Variants in IGF1 observed in about 807,000 individuals in gnomAD.
The protein encoded by IGF1 is insulin-like growth factor 1.
IGF1 carries 4 observed loss-of-function variants against 13.8 expected under a neutral mutation model. That is an observed-to-expected ratio of 0.29 (90% confidence interval 0.14 to 0.66). IGF1 has a LOEUF of 0.66. IGF1 is among the 30% of genes least tolerant of loss of function. The pLI is 0.78. For synonymous variants in IGF1, 76 were observed against 72.6 expected, an observed-to-expected ratio of 1.05 and a Z score of -0.23; for missense variants, 124 against 188.5, an observed-to-expected ratio of 0.66 and a Z score of 2.00.
Position 102,445,519 on chromosome 12 carries a change from A to G in IGF1, c.221-25829T>C, listed in dbSNP as rs548107786. Among the ~76,000 whole-genome samples the G allele has an allele frequency of 2.0e-5, 3 of 152,294 alleles. No individual in the cohort carries two copies. The South Asian group carries it at 6.2e-4, about 32-fold the overall frequency. ...TAGCAATTGTGAATGGAGTTCACTC[A>G]TGATTTGGCTCTCTGTTTGTCTGTT... is the stretch of plus-strand genomic sequence containing the variant. On this transcript the variant is annotated intron_variant, in intron 2 of 3. Transcript: ENST00000337514.
chr12:102,429,349 GA>G (rs2137040739), intron 2 of IGF1, among the ~76,000 whole-genome samples: 1 of 152,092 alleles, frequency 6.6e-6, no homozygotes, highest in African/African-American at 2.4e-5. Flanking sequence ...TTGTATTTTA[GA>G]ATGCCATATA....
chr12:102,465,413 G>A (rs1880227375), intron 2 of IGF1, among the ~76,000 whole-genome samples: 1 of 152,196 alleles, frequency 6.6e-6, no homozygotes, highest in South Asian at 2.1e-4. Flanking sequence ...GACGTTAAGT[G>A]ACTTCTCCAA....
chr12:102,463,363 A>G (rs1880072906), intron 2 of IGF1: 1 of 152,258 alleles, frequency 6.6e-6, no homozygotes, highest in Non-Finnish European at 1.5e-5. Flanking sequence ...ATCTTCGTGG[A>G]AGACTAGCAA....
At chr12:102,404,360 C>T (rs532898309) in intron 3 of IGF1, among the ~76,000 whole-genome samples, 10 of 152,182 alleles carry the variant, frequency 6.6e-5, no homozygotes, top group Non-Finnish European at 8.8e-5. Flanking sequence ...ACTGCCACCC[C>T]TTGGGAATAA....
At chr12:102,433,181 G>A (rs987964594) in intron 2 of IGF1, among the ~76,000 whole-genome samples, 14 of 152,148 alleles carry the variant, frequency 9.2e-5, no homozygotes, top group African/African-American at 3.4e-4. Context: ...AAATTTGGCT[G>A]AACACTCCTG....
chr12:102,480,286 C>G (rs1228492892), intron 1 of IGF1, 33 bp downstream of exon 1: 1 of 1,593,644 alleles, frequency 6.3e-7, no homozygotes, highest in Non-Finnish European at 8.6e-7. Context: ...AAATAGAATT[C>G]CCCAATGACT....
intron 3 of IGF1, among the ~76,000 whole-genome samples, chr12:102,403,824 T>C (rs2136944028): frequency 6.6e-6 from 1 of 152,110 alleles, no homozygotes; most frequent in South Asian, 2.1e-4. Context: ...GAGATGTATC[T>C]GTCTGTTTAC....
At chr12:102,406,460 T>C (rs1365529542) in intron 3 of IGF1, among the ~76,000 whole-genome samples, 2 of 152,188 alleles carry the variant, frequency 1.3e-5, no homozygotes, top group Non-Finnish European at 2.9e-5. Context: ...GTTTCTAGTA[T>C]GCAACTAGAC....
At chr12:102,441,955 C>CTTCTTCTTCT (rs1555244164) in intron 2 of IGF1, among the ~76,000 whole-genome samples, 9 of 139,976 alleles carry the variant, frequency 6.4e-5, no homozygotes, top group East Asian at 2.0e-4. Flanking sequence ...TCTTCTTCTT[C>CTTCTTCTTCT]TTTTTTTTTT....
intron 2 of IGF1, among the ~76,000 whole-genome samples, chr12:102,442,593 T>C (rs550618475): frequency 6.6e-6 from 1 of 152,230 alleles, no homozygotes; most frequent in East Asian, 1.9e-4. Flanking sequence ...ATTCTAATTG[T>C]CATCTCTTAT....
At chr12:102,467,882 T>G (rs1033288509) in intron 2 of IGF1, among the ~76,000 whole-genome samples, 8 of 152,242 alleles carry the variant, frequency 5.3e-5, no homozygotes, top group African/African-American at 1.9e-4. Context: ...CACATGTCAC[T>G]TCTCTCTGGA....
At chr12:102,478,376 T>TA (rs1881200354) in intron 1 of IGF1, 1 of 541,230 alleles carries the variant, frequency 1.8e-6, no homozygotes, top group East Asian at 4.2e-5. Flanking sequence ...TTTTAAAAGT[T>TA]CTTTTTTTTT....
chr12:102,430,377 C>T (rs1366752731), intron 2 of IGF1, among the ~76,000 whole-genome samples: 2 of 152,090 alleles, frequency 1.3e-5, no homozygotes, highest in African/African-American at 4.8e-5. Context: ...TTGTAATCTC[C>T]ACTATGTTAA....
At chr12:102,412,950 G>A (rs1429986342) in intron 3 of IGF1, among the ~76,000 whole-genome samples, 5 of 152,188 alleles carry the variant, frequency 3.3e-5, no homozygotes, top group Admixed American at 6.5e-5. Flanking sequence ...GGGCATCAGG[G>A]AAAAGTTCTG....
At chr12:102,456,663 G>A (rs962926305) in intron 2 of IGF1, among the ~76,000 whole-genome samples, 13 of 152,084 alleles carry the variant, frequency 8.5e-5, no homozygotes, top group South Asian at 4.1e-4. Context: ...TCTGCTGCCC[G>A]AGAGATGTAT....
intron 2 of IGF1, among the ~76,000 whole-genome samples, chr12:102,462,442 G>A (rs1348644410): frequency 1.3e-5 from 2 of 152,154 alleles, no homozygotes; most frequent in African/African-American, 4.8e-5. Flanking sequence ...CCAGAAGTAA[G>A]CCTTTCTTTG....
intron 1 of IGF1, among the ~76,000 whole-genome samples, chr12:102,479,940 C>T (rs765313203): frequency 8.0e-5 from 12 of 150,030 alleles, no homozygotes; most frequent in Non-Finnish European, 1.5e-4. Context: ...TGCAAAAGAA[C>T]ATGGTCTTAA....
At chr12:102,417,586 T>C in intron 3 of IGF1, 3 of 1,240,336 alleles carry the variant, frequency 2.4e-6, no homozygotes, top group Non-Finnish European at 3.0e-6. Context: ...TTTTTTTCAT[T>C]TTTGCCACTG....
rs1344080725 is a variant in IGF1, at chr12:102,401,147, A to G, written c.*1360T>C. 6 of 152,246 alleles carry G rather than the reference A, an allele frequency of 3.9e-5. No individual in the cohort carries two copies. The highest frequency in any genetic ancestry group is 7.3e-5 in the Non-Finnish European group (5 of 68,070). The allele number at this position is 152,246 out of a possible 1,614,324, so 9.4% of individuals were successfully genotyped here. On this transcript the variant is annotated 3_prime_UTR_variant, in exon 4 of 4. Coordinates refer to ENST00000337514, the MANE Select transcript of IGF1 (RefSeq NM_000618.5). Reference sequence around the variant, plus strand: ...ACCCTTACAGCAACCCAGGGTAAAAAAAATCTGAATCTTTATCTTTTTAAA... The same window carrying G: ...ACCCTTACAGCAACCCAGGGTAAAAGAAATCTGAATCTTTATCTTTTTAAA...
Sources: allele counts gnomAD v4.1 joint callset (sites outside exome capture counted in the v4.1 genomes callset), GRCh38; gene constraint gnomAD v4.1.1; transcripts MANE v1.5; gene names NCBI Gene and HGNC (gene_info 2026-07-23, HGNC 2026-07-21).